The following SYT1 variants were observed in gnomAD, a reference collection of about 807,000 sequenced individuals.
SYT1 encodes the protein synaptotagmin-1.
Under a neutral mutation model 44.8 loss-of-function variants are expected in SYT1, and 8 were observed. The observed-to-expected ratio is 0.18, with a 90% confidence interval of 0.10 to 0.32. SYT1 has a LOEUF of 0.32. Ranked by LOEUF, SYT1 falls within the 10% of genes least tolerant of loss-of-function variation. The probability of loss-of-function intolerance (pLI) is 1.00; values close to 1 mark genes in which losing one functional copy is unlikely to be tolerated. For missense variants in SYT1, 286 were observed against 509.3 expected, an observed-to-expected ratio of 0.56 and a Z score of 4.22; for synonymous variants, 154 against 188.8, an observed-to-expected ratio of 0.82 and a Z score of 1.51.
chr12:79,284,821 G>A (rs991410749), intron 4 of SYT1, among the ~76,000 whole-genome samples: 1 of 145,638 alleles, frequency 6.9e-6, no homozygotes, highest in Non-Finnish European at 1.5e-5. Flanking sequence ...CCTGGCAAGA[G>A]AGCGAGACTC....
intron 8 of SYT1, among the ~76,000 whole-genome samples, chr12:79,339,561 G>A (rs1239125500): frequency 1.3e-5 from 2 of 151,162 alleles, no homozygotes; most frequent in Non-Finnish European, 2.9e-5. Context: ...TGTAGATTCT[G>A]GAAATTAGCC....
chr12:79,434,999 A>G (rs988036966), intron 9 of SYT1, among the ~76,000 whole-genome samples: 4 of 152,112 alleles, frequency 2.6e-5, no homozygotes, highest in African/African-American at 9.7e-5. Flanking sequence ...AACCTAGCTC[A>G]TCACATTCTT....
intron 8 of SYT1, among the ~76,000 whole-genome samples, chr12:79,314,340 G>C (rs1257116959): frequency 1.3e-5 from 2 of 152,012 alleles, no homozygotes; most frequent in African/African-American, 4.8e-5. Flanking sequence ...GTCATACATG[G>C]TTTTAATAAA....
chr12:79,432,757 G>A (rs1869872682), intron 9 of SYT1, among the ~76,000 whole-genome samples: 1 of 152,092 alleles, frequency 6.6e-6, no homozygotes, highest in Non-Finnish European at 1.5e-5. Context: ...GGGATTACAG[G>A]CGTGTACAAC....
chr12:79,025,820 G>T (rs1432361448), intron 2 of SYT1, among the ~76,000 whole-genome samples: 4 of 151,512 alleles, frequency 2.6e-5, no homozygotes. Context: ...AAAAATACCA[G>T]ACATTGTAAC....
chr12:79,115,465 C>A (rs906316044), intron 3 of SYT1, among the ~76,000 whole-genome samples: 1 of 152,188 alleles, frequency 6.6e-6, no homozygotes, highest in Non-Finnish European at 1.5e-5. Context: ...AATACATAAA[C>A]AACAAATTTT....
intron 9 of SYT1, among the ~76,000 whole-genome samples, chr12:79,390,595 A>G (rs1188531234): frequency 6.6e-6 from 1 of 152,006 alleles, no homozygotes; most frequent in Non-Finnish European, 1.5e-5. Flanking sequence ...AGCGTTACCC[A>G]CTGACTCCCC....
chr12:79,444,049 GT>G, intron 9 of SYT1, 23 bp from the exon 10 acceptor site: 2 of 1,611,272 alleles, frequency 1.2e-6, no homozygotes, highest in Non-Finnish European at 1.7e-6. Context: ...ATCTCCTAAA[GT>G]TTGTTTCCTG....
At chr12:79,050,291 C>T (rs558803361) in intron 3 of SYT1, among the ~76,000 whole-genome samples, 11 of 152,136 alleles carry the variant, frequency 7.2e-5, no homozygotes, top group Admixed American at 3.9e-4. Flanking sequence ...TCCTCATCTT[C>T]ACATTAACTA....
At chr12:79,325,276 G>A (rs1470490643) in intron 8 of SYT1, among the ~76,000 whole-genome samples, 2 of 152,164 alleles carry the variant, frequency 1.3e-5, no homozygotes, top group Non-Finnish European at 2.9e-5. Flanking sequence ...AGAGTTCCTG[G>A]TATTTACAGT....
At chr12:79,066,639 G>A (rs941957636) in intron 3 of SYT1, among the ~76,000 whole-genome samples, 1 of 151,880 alleles carries the variant, frequency 6.6e-6, no homozygotes, top group Non-Finnish European at 1.5e-5. Context: ...TTTACAAATG[G>A]GGATAATTAA....
intron 2 of SYT1, among the ~76,000 whole-genome samples, chr12:78,991,130 A>G (rs1027957173): frequency 6.6e-6 from 1 of 152,154 alleles, no homozygotes; most frequent in African/African-American, 2.4e-5. Context: ...TTTACTCTTT[A>G]TATTAATTTT....
intron 1 of SYT1, among the ~76,000 whole-genome samples, chr12:78,885,381 G>GAGGA (rs892529968): frequency 6.7e-6 from 1 of 148,932 alleles, no homozygotes; most frequent in Non-Finnish European, 1.5e-5. Flanking sequence ...GGGAGGGAGG[G>GAGGA]AGGAAGGGAA....
At chr12:79,095,196 CAA>C (rs1232118214) in intron 3 of SYT1, among the ~76,000 whole-genome samples, 1 of 151,780 alleles carries the variant, frequency 6.6e-6, no homozygotes, top group Non-Finnish European at 1.5e-5. Flanking sequence ...TATACAAATT[CAA>C]AACAAATAAT....
At chr12:79,404,122 A>T (rs7303658) in intron 9 of SYT1, among the ~76,000 whole-genome samples, 1 of 152,086 alleles carries the variant, frequency 6.6e-6, no homozygotes, top group South Asian at 2.1e-4. Context: ...CTCTGAGTAC[A>T]GATTTCACAG....
chr12:78,957,191 G>T (rs548009574), intron 1 of SYT1, among the ~76,000 whole-genome samples: 2 of 152,050 alleles, frequency 1.3e-5, no homozygotes, highest in Non-Finnish European at 2.9e-5. Flanking sequence ...ACCTAAAACC[G>T]GTCACAGTGG....
At chr12:79,321,748 A>G (rs553276359) in intron 8 of SYT1, among the ~76,000 whole-genome samples, 1 of 152,354 alleles carries the variant, frequency 6.6e-6, no homozygotes, top group African/African-American at 2.4e-5. Flanking sequence ...GGAAAAACTC[A>G]GTACACAAGG....
intron 4 of SYT1, among the ~76,000 whole-genome samples, chr12:79,258,466 G>C (rs1877652869): frequency 6.6e-6 from 1 of 152,202 alleles, no homozygotes; most frequent in Non-Finnish European, 1.5e-5. Context: ...TTCTGGGCAT[G>C]TGGGACGCCT....
At chr12:79,375,082 TTA>T (rs1201048368) in intron 9 of SYT1, among the ~76,000 whole-genome samples, 1 of 152,222 alleles carries the variant, frequency 6.6e-6, no homozygotes, top group Non-Finnish European at 1.5e-5. Context: ...TCATGTAATT[TTA>T]TATGTCATGA....
Sources: gnomAD v4.1 joint callset for allele counts (sites outside exome capture counted in the v4.1 genomes callset) on GRCh38, gnomAD v4.1.1 for gene constraint, MANE v1.5 for transcripts, NCBI Gene and HGNC (gene_info 2026-07-23, HGNC 2026-07-21) for gene names.